Variants in PDE11A observed in about 807,000 individuals in gnomAD.
The protein encoded by PDE11A is dual 3',5'-cyclic-AMP and -GMP phosphodiesterase 11A.
Under a neutral mutation model 100.5 loss-of-function variants are expected in PDE11A, and 100 were observed. The ratio of observed to expected loss-of-function variants is 1.00; its 90% CI spans 0.85 to 1.18. The LOEUF is 1.18. Among genes scored for constraint, PDE11A ranks in the 50% most tolerant of loss-of-function variants. The probability of loss-of-function intolerance (pLI) is 0.00; values close to 1 mark genes in which losing one functional copy is unlikely to be tolerated. For missense variants in PDE11A, 1,141 were observed against 1,152.6 expected (o/e 0.99, Z 0.15); for synonymous variants, 381 against 420.8 (o/e 0.91, Z 1.16).
chr2:177,664,175 C>T (rs1181950853), intron 18 of PDE11A, among the ~76,000 whole-genome samples: 2 of 152,092 alleles, frequency 1.3e-5, no homozygotes, highest in African/African-American at 2.4e-5. Flanking sequence ...AACTTTCTAG[C>T]GTGCAACTTC....
intron 10 of PDE11A, among the ~76,000 whole-genome samples, chr2:177,759,888 T>C (rs1483436472): frequency 6.6e-6 from 1 of 152,100 alleles, no homozygotes; most frequent in Non-Finnish European, 1.5e-5. Context: ...TATGTTGAGT[T>C]CAGCCAACAA....
Position 177,669,580 on chromosome 2 carries a change from A to G in PDE11A, c.2488-13T>C. 8.0e-7 allele frequency: 1 copy of G among 1,247,556 alleles called. No homozygotes were observed. Among genetic ancestry groups the G allele is most frequent in the Non-Finnish European group, 1.2e-6 (1 of 846,138 alleles). The allele number at this position is 1,247,556 out of a possible 1,614,324, so 77.3% of individuals were successfully genotyped here. A position where few individuals can be genotyped will look rare whatever the true frequency, so the allele number is the denominator to read the frequency against. On this transcript the variant is annotated splice_polypyrimidine_tract_variant and intron_variant, in intron 17 of 19. Coordinates refer to ENST00000286063, the MANE Select transcript of PDE11A (RefSeq NM_016953.4). ...CAAGTTCTGCCACCTGAAACATATA[A>G]ATATTTTAATCTGTGATTATGTGTA...
chr2:177,816,981 T>A (rs1488175914), intron 8 of PDE11A, 60 bp from the exon 9 acceptor site: 1 of 970,070 alleles, frequency 1.0e-6, no homozygotes, highest in Non-Finnish European at 1.7e-6. Flanking sequence ...AAATCTAATA[T>A]GAAAGCAGGC....
At chr2:177,842,860 T>C (rs1293098847) in intron 5 of PDE11A, among the ~76,000 whole-genome samples, 3 of 144,574 alleles carry the variant, frequency 2.1e-5, no homozygotes, top group Non-Finnish European at 4.7e-5. Context: ...TCTGTAAGCC[T>C]GGGACATGTT....
chr2:177,792,983 G>C (rs2082653635), intron 9 of PDE11A, among the ~76,000 whole-genome samples: 1 of 152,186 alleles, frequency 6.6e-6, no homozygotes, highest in East Asian at 1.9e-4. Context: ...AGTTGGTTAG[G>C]GATGACCTCT....
chr2:177,852,387 T>A (rs2083729036), intron 5 of PDE11A, among the ~76,000 whole-genome samples: 1 of 100,880 alleles, frequency 9.9e-6, no homozygotes, highest in Non-Finnish European at 2.4e-5. Flanking sequence ...GCAAACCAAA[T>A]ATTGATTTTT....
At chr2:177,701,825 G>A (rs1448112950) in intron 13 of PDE11A, among the ~76,000 whole-genome samples, 1 of 152,194 alleles carries the variant, frequency 6.6e-6, no homozygotes, top group Non-Finnish European at 1.5e-5. Flanking sequence ...TAGTCACACT[G>A]TGATATCTCA....
intron 5 of PDE11A, among the ~76,000 whole-genome samples, chr2:177,853,251 C>T (rs990029156): frequency 1.3e-5 from 2 of 151,944 alleles, no homozygotes; most frequent in Non-Finnish European, 2.9e-5. Context: ...GGAAATAAAA[C>T]TCACTTTGCA....
At position 177,673,866 on chromosome 2, in the gene PDE11A, T is replaced by C. The variant is rs1164135150; in HGVS notation, c.2487+1589A>G. Among the ~76,000 whole-genome samples the C allele has an allele frequency of 2.0e-5, 3 of 152,164 alleles. No individual in the cohort carries two copies. The East Asian group carries it at 5.8e-4, about 29-fold the overall frequency. ...GCTGATGAATTGTTGCGGGAAGCAT[T>C]TAATTGCCAGTGCAAGACCTTCCAG... On this transcript the variant is annotated intron_variant, in intron 17 of 19. Transcript: ENST00000286063.
intron 19 of PDE11A, among the ~76,000 whole-genome samples, chr2:177,637,806 T>G (rs1246993272): frequency 6.6e-6 from 1 of 151,142 alleles, no homozygotes. Flanking sequence ...CCATCTTTTC[T>G]ATATCATTTT....
chr2:178,048,007 C>T (rs913654030), intron 1 of PDE11A, among the ~76,000 whole-genome samples: 1 of 152,190 alleles, frequency 6.6e-6, no homozygotes, highest in Admixed American at 6.5e-5. Context: ...CTCTACCATC[C>T]TATCCACTGC....
At chr2:177,795,935 C>CTATATA (rs55861102) in intron 9 of PDE11A, among the ~76,000 whole-genome samples, 2,868 of 66,796 alleles carry the variant, frequency 0.043, 175 homozygotes, top group Non-Finnish European at 0.056. Context: ...TTTGTTTAAA[C>CTATATA]TATATATATA....
At chr2:177,726,660 G>GTTTTTT (rs11423127) in intron 12 of PDE11A, among the ~76,000 whole-genome samples, 1 of 142,850 alleles carries the variant, frequency 7.0e-6, no homozygotes, top group Non-Finnish European at 1.5e-5. Context: ...ATGAGGCAGA[G>GTTTTTT]TTTTTTTTTT....
intron 1 of PDE11A, among the ~76,000 whole-genome samples, chr2:178,105,156 T>C (rs932524294): frequency 6.6e-5 from 10 of 152,036 alleles, no homozygotes; most frequent in African/African-American, 2.4e-4. Context: ...AAATACACAG[T>C]TTTAAGTAGT....
intron 15 of PDE11A, among the ~76,000 whole-genome samples, chr2:177,693,132 C>T (rs922860950): frequency 6.6e-6 from 1 of 152,172 alleles, no homozygotes; most frequent in African/African-American, 2.4e-5. Context: ...TACGGGGAGC[C>T]TAATATCCTC....
At chr2:177,713,601 T>G (rs955946172) in intron 12 of PDE11A, among the ~76,000 whole-genome samples, 11 of 152,072 alleles carry the variant, frequency 7.2e-5, no homozygotes, top group Non-Finnish European at 1.6e-4. Flanking sequence ...GGCACGCGCC[T>G]GTAATCCCAG....
At chr2:177,844,837 G>A (rs1018837861) in intron 5 of PDE11A, among the ~76,000 whole-genome samples, 1 of 151,956 alleles carries the variant, frequency 6.6e-6, no homozygotes, top group African/African-American at 2.4e-5. Flanking sequence ...ACATGTTTCA[G>A]AGAGCACAGG....
chr2:177,858,319 A>C (rs1185350525), intron 5 of PDE11A, among the ~76,000 whole-genome samples: 2 of 152,110 alleles, frequency 1.3e-5, no homozygotes, highest in South Asian at 2.1e-4. Context: ...CAACCTACAG[A>C]ATGGGAGAAA....
chr2:177,920,193 T>C (rs932871346), intron 2 of PDE11A, among the ~76,000 whole-genome samples: 1 of 152,068 alleles, frequency 6.6e-6, no homozygotes, highest in African/African-American at 2.4e-5. Flanking sequence ...TATGTGGAAA[T>C]TATATGAGAG....
Sources: allele counts gnomAD v4.1 joint callset (sites outside exome capture counted in the v4.1 genomes callset), GRCh38; gene constraint gnomAD v4.1.1; transcripts MANE v1.5; gene names NCBI Gene and HGNC (gene_info 2026-07-23, HGNC 2026-07-21).